Variants in MAGI1 observed in about 807,000 individuals in gnomAD.
MAGI1 encodes the protein membrane associated guanylate kinase, WW and PDZ domain containing 1, also known as membrane-associated guanylate kinase, WW and PDZ domain-containing protein 1.
Under a neutral mutation model 139.9 loss-of-function variants are expected in MAGI1, and 58 were observed. The observed-to-expected ratio is 0.41, with a 90% CI of 0.34 to 0.52. The LOEUF (loss-of-function observed/expected upper bound fraction) is 0.52, where lower values mean the gene tolerates loss of function less well. Ranked by LOEUF, MAGI1 falls within the 20% of genes least tolerant of loss-of-function variation. MAGI1 has a pLI of 0.12. For synonymous variants in MAGI1, 812 were observed against 737.9 expected, an observed-to-expected ratio of 1.10 and a Z score of -1.63; for missense variants, 1,874 against 1,901.6, an observed-to-expected ratio of 0.99 and a Z score of 0.27.
chr3:65,773,354 G>A (rs1028051328), intron 1 of MAGI1, among the ~76,000 whole-genome samples: 8 of 152,010 alleles, frequency 5.3e-5, no homozygotes, highest in Non-Finnish European at 7.4e-5. Flanking sequence ...TCAACACAGT[G>A]AAACCTCATC....
chr3:65,992,472 C>G (rs1007890963), intron 1 of MAGI1, among the ~76,000 whole-genome samples: 4 of 152,028 alleles, frequency 2.6e-5, no homozygotes, highest in African/African-American at 9.7e-5. Context: ...ACTGTGGTAG[C>G]TATGTCTTGC....
At chr3:65,852,240 A>C (rs571113943) in intron 1 of MAGI1, among the ~76,000 whole-genome samples, 1 of 152,284 alleles carries the variant, frequency 6.6e-6, no homozygotes, top group South Asian at 2.1e-4. Flanking sequence ...TCCACAAGGT[A>C]ACAAGGTAGC....
intron 1 of MAGI1, among the ~76,000 whole-genome samples, chr3:65,727,549 T>C (rs1304160571): frequency 6.6e-6 from 1 of 152,184 alleles, no homozygotes; most frequent in Non-Finnish European, 1.5e-5. Context: ...TTACTCCAAA[T>C]GAAGCTTCCA....
At chr3:65,442,176 G>C (rs1948388300) in intron 8 of MAGI1, among the ~76,000 whole-genome samples, 1 of 150,964 alleles carries the variant, frequency 6.6e-6, no homozygotes, top group African/African-American at 2.4e-5. Flanking sequence ...GGAGCCCAAT[G>C]CTAGAATAAG....
intron 1 of MAGI1, among the ~76,000 whole-genome samples, chr3:65,872,572 A>G (rs1163764242): frequency 1.3e-5 from 2 of 152,232 alleles, no homozygotes; most frequent in Non-Finnish European, 2.9e-5. Flanking sequence ...CTAAAGCCAA[A>G]CAAATGAAAG....
intron 1 of MAGI1, among the ~76,000 whole-genome samples, chr3:65,696,255 C>T (rs941824425): frequency 1.3e-5 from 2 of 152,140 alleles, no homozygotes; most frequent in Non-Finnish European, 2.9e-5. Flanking sequence ...TGTAAAGAAA[C>T]CCTCTGTCTC....
intron 3 of MAGI1, among the ~76,000 whole-genome samples, chr3:65,481,553 A>C (rs1261309003): frequency 6.6e-6 from 1 of 152,230 alleles, no homozygotes; most frequent in Non-Finnish European, 1.5e-5. Flanking sequence ...CATCATGTAC[A>C]TTTTCAAGTT....
chr3:65,905,082 C>T (rs1170187910), intron 1 of MAGI1, among the ~76,000 whole-genome samples: 1 of 152,134 alleles, frequency 6.6e-6, no homozygotes, highest in Non-Finnish European at 1.5e-5. Context: ...ATAAGAATAA[C>T]ACTAATACTG....
At chr3:65,483,161 C>T (rs1277684131) in intron 3 of MAGI1, among the ~76,000 whole-genome samples, 1 of 152,208 alleles carries the variant, frequency 6.6e-6, no homozygotes, top group African/African-American at 2.4e-5. Context: ...TTTTGGAGAG[C>T]TTGCTTTCGG....
At chr3:65,771,463 A>T (rs1057487165) in intron 1 of MAGI1, among the ~76,000 whole-genome samples, 1 of 152,184 alleles carries the variant, frequency 6.6e-6, no homozygotes, top group African/African-American at 2.4e-5. Flanking sequence ...ACACAGGGAA[A>T]CATAGAGATA....
At chr3:66,024,492 C>T (rs28645845) in intron 1 of MAGI1, among the ~76,000 whole-genome samples, 66,470 of 151,556 alleles carry the variant, frequency 0.44, 16,097 homozygotes, top group African/African-American at 0.63. Flanking sequence ...CCCACCACTC[C>T]CTAATTGTCC....
chr3:65,424,854 A>G (rs1946891950), intron 12 of MAGI1, among the ~76,000 whole-genome samples: 1 of 152,192 alleles, frequency 6.6e-6, no homozygotes, highest in Non-Finnish European at 1.5e-5. Context: ...CTCTGGTTGT[A>G]TATCAGAATC....
chr3:65,894,576 T>C lies in MAGI1; in HGVS notation c.313+143420A>G, dbSNP rs146015630. On this transcript the variant is annotated intron_variant, in intron 1 of 22. Transcript: ENST00000402939. ...TCAAATGTTAGCATTTTCTTTGTTG[T>C]TGTAATTGAGGATTCGTGTAAGAAA... 2.2e-4 allele frequency among the ~76,000 whole-genome samples: 33 copies of C among 152,336 alleles called. No homozygotes were observed. In the East Asian group the frequency reaches 6.2e-3, roughly 28 times the overall value.
intron 1 of MAGI1, among the ~76,000 whole-genome samples, chr3:65,718,805 C>T (rs919578702): frequency 1.3e-5 from 2 of 152,012 alleles, no homozygotes; most frequent in African/African-American, 4.8e-5. Flanking sequence ...TTTAAATTTC[C>T]CAAGGCAGGT....
intron 2 of MAGI1, among the ~76,000 whole-genome samples, chr3:65,502,821 C>A (rs765978642): frequency 1.8e-4 from 28 of 152,010 alleles, no homozygotes; most frequent in Non-Finnish European, 3.5e-4. Flanking sequence ...AGAAACAATT[C>A]CAATGTGAAA....
At chr3:65,601,087 C>T (rs2082460876) in intron 2 of MAGI1, among the ~76,000 whole-genome samples, 1 of 152,154 alleles carries the variant, frequency 6.6e-6, no homozygotes, top group South Asian at 2.1e-4. Flanking sequence ...AAAGTGCTGA[C>T]TAAGTATTAT....
At chr3:65,522,711 T>G (rs1370063186) in intron 2 of MAGI1, among the ~76,000 whole-genome samples, 1 of 152,164 alleles carries the variant, frequency 6.6e-6, no homozygotes, top group Non-Finnish European at 1.5e-5. Flanking sequence ...TTGGGTACTT[T>G]TAGCTCCCCA....
intron 1 of MAGI1, among the ~76,000 whole-genome samples, chr3:66,011,912 C>G (rs73125741): frequency 0.019 from 2,863 of 151,382 alleles, 47 homozygotes; most frequent in Non-Finnish European, 0.028. Context: ...TTGGATTGTC[C>G]TTTTTTCAAG....
intron 2 of MAGI1, among the ~76,000 whole-genome samples, chr3:65,554,931 A>G (rs184933870): frequency 1.1e-3 from 162 of 152,312 alleles, no homozygotes; most frequent in Non-Finnish European, 2.0e-3. Flanking sequence ...AGTGGAGGGG[A>G]AAATGGTGAA....
Sources: gnomAD v4.1 joint callset for allele counts (sites outside exome capture counted in the v4.1 genomes callset) on GRCh38, gnomAD v4.1.1 for gene constraint, MANE v1.5 for transcripts, NCBI Gene and HGNC (gene_info 2026-07-23, HGNC 2026-07-21) for gene names.